Variants in POLR2F observed in about 807,000 individuals in gnomAD.
POLR2F encodes the protein DNA-directed RNA polymerases I, II, and III subunit RPABC2.
POLR2F carries 12 observed loss-of-function variants against 22.7 expected under a neutral mutation model. That is an observed-to-expected ratio of 0.53 (90% CI 0.34 to 0.86). The LOEUF (loss-of-function observed/expected upper bound fraction) is 0.86, where lower values mean the gene tolerates loss of function less well. Ranked by LOEUF, POLR2F falls within the 40% of genes least tolerant of loss-of-function variation. The probability of loss-of-function intolerance (pLI) is 0.02; values close to 1 mark genes in which losing one functional copy is unlikely to be tolerated. For synonymous variants in POLR2F, 57 were observed against 66.0 expected, an observed-to-expected ratio of 0.86 and a Z score of 0.66; for missense variants, 126 against 171.5, an observed-to-expected ratio of 0.73 and a Z score of 1.48.
chr22:38,036,283 C>T (rs1474796398), intron 5 of POLR2F, among the ~76,000 whole-genome samples: 1 of 151,986 alleles, frequency 6.6e-6, no homozygotes, highest in Non-Finnish European at 1.5e-5. Flanking sequence ...AGCCGAGCCC[C>T]TGCTTTTCTA....
At chr22:37,994,281 G>A (rs1234387001) in intron 1 of POLR2F, among the ~76,000 whole-genome samples, 1 of 152,190 alleles carries the variant, frequency 6.6e-6, no homozygotes, top group Admixed American at 6.5e-5. Context: ...GCCAGGCTGA[G>A]GGCCTCACAC....
downstream of POLR2F, chr22:37,974,260 C>A: frequency 7.8e-7 from 1 of 1,287,414 alleles, no homozygotes; most frequent in Non-Finnish European, 1.1e-6. This position sits in a 1 kb window ranked among gnomAD's most constrained non-coding sequence, Gnocchi z 5.4. Context: ...GGCAGGTGGG[C>A]GCACGTGAAC....
At chr22:37,981,096 G>A (rs1932381488) in intron 4 of POLR2F, among the ~76,000 whole-genome samples, 1 of 152,200 alleles carries the variant, frequency 6.6e-6, no homozygotes, top group Non-Finnish European at 1.5e-5. Context: ...TTAGGACCTG[G>A]GCTCCAGTGT....
In POLR2F at chr22:37,975,911, C is replaced by T. The variant is rs115992731; in HGVS notation, c.293+8741C>T. The stretch of plus-strand genomic sequence containing the variant: ...GGATCTCACACAGACTTCTTGTGCA[C>T]TTGTTTCTCTCTCTATATATATACT... On this transcript the variant is annotated intron_variant, in intron 4 of 4. Coordinates refer to the POLR2F transcript ENST00000405557. 5.2e-3 allele frequency among the ~76,000 whole-genome samples: 787 copies of T among 151,876 alleles called. 8 individuals are homozygous for T. The highest frequency in any genetic ancestry group is 0.018 in the African/African-American group (759 of 41,242).
At chr22:38,002,163 T>A (rs1037271303) in intron 1 of POLR2F, among the ~76,000 whole-genome samples, 10 of 151,288 alleles carry the variant, frequency 6.6e-5, no homozygotes, top group East Asian at 1.9e-4. Context: ...TTTTTTTTTT[T>A]AATTTATTTT....
downstream of POLR2F, among the ~76,000 whole-genome samples, chr22:37,971,789 C>A (rs1345772005): frequency 6.6e-6 from 1 of 152,104 alleles, no homozygotes; most frequent in Non-Finnish European, 1.5e-5. Flanking sequence ...AGATACCTGT[C>A]TCTTGAATTC....
intron 2 of POLR2F, among the ~76,000 whole-genome samples, chr22:37,957,250 C>T (rs951421398): frequency 2.0e-5 from 3 of 152,166 alleles, no homozygotes; most frequent in Admixed American, 6.6e-5. Context: ...TACTGACAAA[C>T]TTTGAGCCAG....
intron 1 of POLR2F, among the ~76,000 whole-genome samples, chr22:37,991,579 C>CTTTT (rs1329978274): frequency 6.6e-6 from 1 of 152,168 alleles, no homozygotes; most frequent in Non-Finnish European, 1.5e-5. Flanking sequence ...CACCTATTAA[C>CTTTT]ATCTTGTAGA....
At chr22:37,996,655 G>T (rs56276156) in intron 1 of POLR2F, among the ~76,000 whole-genome samples, 2,175 of 152,308 alleles carry the variant, frequency 0.014, 26 homozygotes, top group Non-Finnish European at 0.024. Context: ...AAGAGCCCTG[G>T]GTGGGACCTG....
At chr22:37,988,453 CCAGCCT>C (rs1932648219) in intron 1 of POLR2F, 1 of 151,550 alleles carries the variant, frequency 6.6e-6, no homozygotes, top group South Asian at 2.1e-4. Context: ...GAGTTCGAGA[CCAGCCT>C]GGCCAACATG....
chr22:37,953,716 A>G lies in POLR2F; in HGVS notation c.-72A>G. On this transcript the variant is annotated 5_prime_UTR_variant, in exon 1 of 5. Transcript: ENST00000442738. Reference sequence around the variant, plus strand: ...CGCAAGATAAGCTAGGAGCCGCGCGAGTCGTAGTGTCGCTGTTTGCGGGTC... The same window carrying G: ...CGCAAGATAAGCTAGGAGCCGCGCGGGTCGTAGTGTCGCTGTTTGCGGGTC... 3 of 1,555,494 alleles carry G rather than the reference A, an allele frequency of 1.9e-6. No homozygotes were observed. The South Asian group carries it at 3.5e-5, about 18-fold the overall frequency.
intron 1 of POLR2F, among the ~76,000 whole-genome samples, chr22:38,023,121 G>A (rs748422228): frequency 1.8e-4 from 28 of 152,214 alleles, no homozygotes; most frequent in African/African-American, 4.6e-4. Flanking sequence ...TGTCCCAGCC[G>A]TCTCTGAAGA....
rs533923043 is a variant in POLR2F at position 38,006,911 on chromosome 22, A to G, written c.121-18958A>G. ...GAGCTTGGGAGAGGACAGTGGGCTGACTTGTGATCACAGTCCAAGTTTCCA... is the reference window on the plus strand; with the variant it reads ...GAGCTTGGGAGAGGACAGTGGGCTGGCTTGTGATCACAGTCCAAGTTTCCA... On this transcript the variant is annotated intron_variant, in intron 1 of 2. Coordinates refer to the POLR2F transcript ENST00000333418. Among the ~76,000 whole-genome samples the G allele has an allele frequency of 2.6e-5, 4 of 152,312 alleles. No homozygotes were observed. The South Asian group carries it at 8.3e-4, about 32-fold the overall frequency.
chr22:38,024,677 C>T (rs1477188881), intron 1 of POLR2F, among the ~76,000 whole-genome samples: 2 of 152,070 alleles, frequency 1.3e-5, no homozygotes, highest in Admixed American at 6.6e-5. Flanking sequence ...GCAATCCATG[C>T]AGGTGCGGAG....
chr22:38,002,760 C>G (rs1323044139), intron 1 of POLR2F, among the ~76,000 whole-genome samples: 1 of 151,718 alleles, frequency 6.6e-6, no homozygotes, highest in African/African-American at 2.4e-5. Flanking sequence ...GAGTCTTGCT[C>G]TATCGCCCAG....
downstream of POLR2F, among the ~76,000 whole-genome samples, chr22:38,028,257 C>G (rs140795662): frequency 8.4e-4 from 128 of 152,214 alleles, no homozygotes; most frequent in Admixed American, 1.4e-3. Flanking sequence ...AGACACAGAG[C>G]CAGGATTGGA....
downstream of POLR2F, chr22:37,973,706 C>T (rs776714565): frequency 4.4e-6 from 7 of 1,606,566 alleles, no homozygotes; most frequent in Admixed American, 1.7e-5. Flanking sequence ...AAACTGGGGG[C>T]GGGAGATGGA....
intron 1 of POLR2F, among the ~76,000 whole-genome samples, chr22:38,011,552 C>G (rs1225278343): frequency 6.6e-6 from 1 of 151,540 alleles, no homozygotes; most frequent in Non-Finnish European, 1.5e-5. Flanking sequence ...GTCTCTTACA[C>G]CTTAGTTGAA....
chr22:37,970,680 A>G (rs1932024608), downstream of POLR2F: 1 of 155,244 alleles, frequency 6.4e-6, no homozygotes, highest in Admixed American at 6.2e-5. Context: ...TGCTGTACAC[A>G]GGTGTCCCTC....
Sources: gnomAD v4.1 joint callset for allele counts (sites outside exome capture counted in the v4.1 genomes callset) on GRCh38, gnomAD v4.1.1 for gene constraint, Gnocchi (gnomAD v3.1) non-coding constraint, MANE v1.5 for transcripts, NCBI Gene and HGNC (gene_info 2026-07-23, HGNC 2026-07-21) for gene names.